METTL15: variants seen among roughly 807,000 people sequenced by gnomAD.
METTL15 encodes 12S rRNA N(4)-cytidine methyltransferase METTL15.
METTL15 carries 34 observed loss-of-function variants against 38.3 expected under a neutral mutation model. The observed-to-expected ratio is 0.89, with a 90% CI of 0.68 to 1.18. METTL15 has a LOEUF of 1.18. METTL15 is among the 50% of genes most tolerant of loss of function. The pLI is 0.00. For synonymous variants in METTL15, 162 were observed against 170.9 expected, an observed-to-expected ratio of 0.95 and a Z score of 0.41; for missense variants, 438 against 498.4, an observed-to-expected ratio of 0.88 and a Z score of 1.15.
At chr11:28,295,829 A>C (rs551886979) in intron 5 of METTL15, among the ~76,000 whole-genome samples, 1 of 152,050 alleles carries the variant, frequency 6.6e-6, no homozygotes, top group Non-Finnish European at 1.5e-5. Flanking sequence ...TCTTAAAGCT[A>C]CCATACCCTT....
chr11:28,440,746 C>T (rs1476877763), intron 6 of METTL15, among the ~76,000 whole-genome samples: 1 of 152,200 alleles, frequency 6.6e-6, no homozygotes, highest in Non-Finnish European at 1.5e-5. Flanking sequence ...CATAGGTACA[C>T]ACACAAACAT....
At chr11:28,263,498 G>A (rs963825298) in intron 4 of METTL15, among the ~76,000 whole-genome samples, 2 of 152,018 alleles carry the variant, frequency 1.3e-5, no homozygotes, top group African/African-American at 4.8e-5. Context: ...ATTTATTTTT[G>A]TAGACAATAG....
At chr11:28,519,709 CT>C (rs1262154954) in intron 6 of METTL15, among the ~76,000 whole-genome samples, 2 of 152,242 alleles carry the variant, frequency 1.3e-5, no homozygotes, top group East Asian at 3.9e-4. Flanking sequence ...AGCAGCTGTA[CT>C]TTTTTTCTCC....
intron 6 of METTL15, among the ~76,000 whole-genome samples, chr11:28,489,238 C>T (rs956747389): frequency 4.6e-5 from 7 of 152,224 alleles, no homozygotes; most frequent in African/African-American, 1.7e-4. Flanking sequence ...ATGTTTGGTA[C>T]CCCAGCCCCT....
chr11:28,167,448 A>G (rs962688757), intron 3 of METTL15, among the ~76,000 whole-genome samples: 6 of 152,138 alleles, frequency 3.9e-5, no homozygotes, highest in African/African-American at 9.7e-5. Context: ...TGGATTCTCA[A>G]TCTTGTTGCT....
At chr11:28,174,098 T>C (rs967704493) in intron 3 of METTL15, among the ~76,000 whole-genome samples, 10 of 152,204 alleles carry the variant, frequency 6.6e-5, no homozygotes, top group African/African-American at 2.4e-4. Context: ...CAGTGCATAC[T>C]TAAGGAGTAG....
At chr11:28,197,042 A>G (rs566079189) in intron 3 of METTL15, among the ~76,000 whole-genome samples, 14 of 152,130 alleles carry the variant, frequency 9.2e-5, no homozygotes, top group African/African-American at 2.9e-4. Flanking sequence ...TTTAAAGAGC[A>G]TTTAAAAAAT....
At chr11:28,374,068 G>A (rs1850277558) in intron 5 of METTL15, among the ~76,000 whole-genome samples, 1 of 152,108 alleles carries the variant, frequency 6.6e-6, no homozygotes, top group Non-Finnish European at 1.5e-5. Context: ...GGTTACTGTA[G>A]CCTTGTAGTA....
intron 3 of METTL15, among the ~76,000 whole-genome samples, chr11:28,187,550 C>T (rs1470125028): frequency 2.0e-5 from 3 of 146,994 alleles, no homozygotes; most frequent in Non-Finnish European, 4.5e-5. Flanking sequence ...TAACACGGAC[C>T]GATGTCCATC....
chr11:28,310,955 GGTGGT>G (rs1565244398), intron 6 of METTL15, among the ~76,000 whole-genome samples: 3 of 137,280 alleles, frequency 2.2e-5, no homozygotes, highest in African/African-American at 8.6e-5. Flanking sequence ...TGGTGGTGGT[GGTGGT>G]GGTGGGTGTG....
intron 6 of METTL15, chr11:28,328,073 A>G: frequency 6.2e-7 from 1 of 1,600,518 alleles, no homozygotes; most frequent in South Asian, 1.1e-5. Context: ...ACATGAAAAT[A>G]TATGTTTGTT....
chr11:28,189,862 A>G (rs977447056), intron 3 of METTL15, among the ~76,000 whole-genome samples: 38 of 151,266 alleles, frequency 2.5e-4, no homozygotes, highest in African/African-American at 9.2e-4. Flanking sequence ...GATCACAATC[A>G]GCTGTGTTTT....
intron 5 of METTL15, among the ~76,000 whole-genome samples, chr11:28,389,912 A>AT (rs1302515828): frequency 4.6e-5 from 7 of 151,876 alleles, no homozygotes; most frequent in Admixed American, 6.6e-5. Flanking sequence ...TGACTTTTTA[A>AT]TGATTGCCAT....
At chr11:28,191,404 A>G (rs1851696013) in intron 3 of METTL15, among the ~76,000 whole-genome samples, 1 of 151,448 alleles carries the variant, frequency 6.6e-6, no homozygotes, top group Non-Finnish European at 1.5e-5. Flanking sequence ...ATAGAAGTTG[A>G]AGGGATTAAA....
At chr11:28,488,130 C>T (rs1275944608) in intron 6 of METTL15, among the ~76,000 whole-genome samples, 1 of 152,040 alleles carries the variant, frequency 6.6e-6, no homozygotes. Flanking sequence ...GCTTATTTAA[C>T]TCATATTTTT....
chr11:28,328,781 T>C (rs1434278781), intron 6 of METTL15, among the ~76,000 whole-genome samples: 1 of 152,096 alleles, frequency 6.6e-6, no homozygotes, highest in Non-Finnish European at 1.5e-5. Context: ...CATACCTGTT[T>C]TGATGTGCAT....
intron 4 of METTL15, among the ~76,000 whole-genome samples, chr11:28,225,429 A>G (rs751112358): frequency 6.6e-6 from 1 of 152,028 alleles, no homozygotes; most frequent in South Asian, 2.1e-4. Context: ...AGTGTTTCTC[A>G]TGCCTTCTTA....
At chr11:28,503,380 A>G (rs1851600400) in intron 6 of METTL15, among the ~76,000 whole-genome samples, 1 of 152,240 alleles carries the variant, frequency 6.6e-6, no homozygotes, top group Non-Finnish European at 1.5e-5. Context: ...AAACATAGCT[A>G]ACTTTATTCT....
intron 4 of METTL15, among the ~76,000 whole-genome samples, chr11:28,252,367 G>A (rs1355882120): frequency 2.6e-5 from 4 of 151,928 alleles, no homozygotes; most frequent in South Asian, 2.1e-4. Context: ...TGCCATTCCC[G>A]TTCTCTTAAA....
Sources: allele counts gnomAD v4.1 joint callset (sites outside exome capture counted in the v4.1 genomes callset), GRCh38; gene constraint gnomAD v4.1.1; transcripts MANE v1.5; gene names NCBI Gene and HGNC (gene_info 2026-07-23, HGNC 2026-07-21).